RABGAP1L: variants seen among roughly 807,000 people sequenced by gnomAD.
RABGAP1L encodes the protein rab GTPase-activating protein 1-like.
A neutral mutation model predicts 137.7 loss-of-function variants in RABGAP1L; 63 were observed. The observed-to-expected ratio is 0.46, with a 90% CI of 0.37 to 0.56. The LOEUF is 0.56. Among genes scored for constraint, RABGAP1L ranks in the 20% least tolerant of loss-of-function variants. The pLI is 0.00. For missense variants in RABGAP1L, 1,095 were observed against 1,244.0 expected, an observed-to-expected ratio of 0.88 and a Z score of 1.80; for synonymous variants, 431 against 433.7, an observed-to-expected ratio of 0.99 and a Z score of 0.08.
At chr1:174,709,405 A>G (rs1011801636) in intron 17 of RABGAP1L, among the ~76,000 whole-genome samples, 1 of 152,220 alleles carries the variant, frequency 6.6e-6, no homozygotes, top group Non-Finnish European at 1.5e-5. Context: ...AGGGGTTGAC[A>G]GATAACTCAT....
intron 1 of RABGAP1L, among the ~76,000 whole-genome samples, chr1:174,161,296 G>C (rs61827902): frequency 0.089 from 13,536 of 151,786 alleles, 820 homozygotes; most frequent in East Asian, 0.22. Flanking sequence ...AGGCTGGAGT[G>C]CAACAGCGCG....
intron 18 of RABGAP1L, among the ~76,000 whole-genome samples, chr1:174,775,570 C>G (rs1375848120): frequency 6.6e-6 from 1 of 152,094 alleles, no homozygotes; most frequent in Non-Finnish European, 1.5e-5. Flanking sequence ...ACCTTGGCCT[C>G]CTAAAGTGCT....
intron 13 of RABGAP1L, among the ~76,000 whole-genome samples, chr1:174,609,415 A>G (rs1572491857): frequency 6.6e-6 from 1 of 152,312 alleles, no homozygotes; most frequent in Non-Finnish European, 1.5e-5. Context: ...AAAAAGTTAC[A>G]TAAAAATCAT....
At position 174,219,121 on chromosome 1, in the gene RABGAP1L, C is replaced by A; in HGVS notation, c.-33-4C>A. The A allele has an allele frequency of 6.5e-7, 1 of 1,536,526 alleles. No homozygotes were observed. Among genetic ancestry groups the A allele is most frequent in the Non-Finnish European group, 8.8e-7 (1 of 1,142,540 alleles). On this transcript the variant is annotated splice_region_variant and splice_polypyrimidine_tract_variant and intron_variant, in intron 1 of 25. Coordinates refer to ENST00000681986, the MANE Select transcript of RABGAP1L (RefSeq NM_001366446.1). ...TTTTTTTTTAATCCCTTTTGTTTTT[C>A]CAGGTGGTTGTGGGAAGAGAAGTTT...
intron 1 of RABGAP1L, among the ~76,000 whole-genome samples, chr1:174,193,447 G>A (rs192544949): frequency 2.0e-4 from 31 of 152,280 alleles, no homozygotes; most frequent in Admixed American, 1.2e-3. Context: ...CATGAGAATC[G>A]CTTGAATCTG....
intron 13 of RABGAP1L, among the ~76,000 whole-genome samples, chr1:174,507,835 T>C (rs1159483378): frequency 7.8e-6 from 1 of 127,656 alleles, no homozygotes. Context: ...TGTACTGTGT[T>C]TTATATTCAC....
At chr1:174,517,729 C>G (rs954883867) in intron 13 of RABGAP1L, among the ~76,000 whole-genome samples, 1 of 152,168 alleles carries the variant, frequency 6.6e-6, no homozygotes, top group Non-Finnish European at 1.5e-5. Flanking sequence ...GTGTTCCACT[C>G]CTGAAGAATG....
At position 174,988,745 on chromosome 1, in the gene RABGAP1L, T is replaced by C. The variant is rs1464092412; in HGVS notation, c.2910T>C (p.Asp970=). The C allele has an allele frequency of 6.5e-7, 1 of 1,550,088 alleles. No individual in the cohort carries two copies. Among genetic ancestry groups the C allele is most frequent in the Admixed American group, 2.0e-5 (1 of 50,922 alleles). ...GREDQGIETD[D]EKDSLKKQLR... ...AGGACCAGGGAATTGAAACAGATGA[T>C]GAGAAGGACTCACTTAAGAAGCAGC... Residue 970 remains aspartate, a synonymous_variant, in exon 25 of 26, where the codon GAT becomes GAC. Coordinates refer to ENST00000681986, the MANE Select transcript of RABGAP1L (RefSeq NM_001366446.1).
At chr1:174,781,939 A>G (rs1402713295) in intron 18 of RABGAP1L, among the ~76,000 whole-genome samples, 1 of 152,184 alleles carries the variant, frequency 6.6e-6, no homozygotes, top group African/African-American at 2.4e-5. Flanking sequence ...CTGTTTTGGT[A>G]CCAGTACCAT....
chr1:174,905,354 A>G (rs1658869992), intron 19 of RABGAP1L, among the ~76,000 whole-genome samples: 1 of 152,224 alleles, frequency 6.6e-6, no homozygotes, highest in African/African-American at 2.4e-5. Context: ...AAGGAAACTC[A>G]GTGATCACCA....
chr1:174,986,631 T>C (rs932681498), intron 24 of RABGAP1L, among the ~76,000 whole-genome samples: 1 of 152,212 alleles, frequency 6.6e-6, no homozygotes, highest in East Asian at 1.9e-4. Context: ...ATGAATACAT[T>C]TTCTGTAGGA....
At chr1:174,848,772 G>A (rs1483510007) in intron 19 of RABGAP1L, among the ~76,000 whole-genome samples, 3 of 149,552 alleles carry the variant, frequency 2.0e-5, no homozygotes, top group East Asian at 3.9e-4. Flanking sequence ...CGAGCTTCCC[G>A]GCTGCTTTGT....
At chr1:174,243,714 A>G (rs1189537573) in intron 5 of RABGAP1L, among the ~76,000 whole-genome samples, 1 of 152,208 alleles carries the variant, frequency 6.6e-6, no homozygotes, top group Non-Finnish European at 1.5e-5. Flanking sequence ...GTTCTATTTT[A>G]TGCTTATTGT....
chr1:174,723,861 T>G (rs1681778030), intron 17 of RABGAP1L, among the ~76,000 whole-genome samples: 1 of 152,206 alleles, frequency 6.6e-6, no homozygotes, highest in African/African-American at 2.4e-5. Flanking sequence ...TGCATTGTTA[T>G]ATAAATAGGA....
intron 18 of RABGAP1L, among the ~76,000 whole-genome samples, chr1:174,758,838 C>T (rs1424901765): frequency 1.3e-5 from 2 of 152,126 alleles, no homozygotes; most frequent in Non-Finnish European, 2.9e-5. Context: ...CCCAAATGTA[C>T]TTTTCATCTA....
At chr1:174,390,754 G>T (rs919558706) in intron 12 of RABGAP1L, among the ~76,000 whole-genome samples, 1 of 152,038 alleles carries the variant, frequency 6.6e-6, no homozygotes, top group Non-Finnish European at 1.5e-5. Context: ...AGATGATGGG[G>T]CAAAAATAAT....
At chr1:174,783,401 A>T (rs1233158713) in intron 18 of RABGAP1L, among the ~76,000 whole-genome samples, 1 of 152,166 alleles carries the variant, frequency 6.6e-6, no homozygotes, top group Non-Finnish European at 1.5e-5. Context: ...TGTTGGGAGC[A>T]GCCGTCACCA....
intron 4 of RABGAP1L, among the ~76,000 whole-genome samples, chr1:174,238,282 C>G (rs955034553): frequency 6.6e-6 from 1 of 152,206 alleles, no homozygotes; most frequent in Non-Finnish European, 1.5e-5. Context: ...GTCAGTCATT[C>G]TCCATCCAGG....
intron 10 of RABGAP1L, among the ~76,000 whole-genome samples, chr1:174,291,315 C>T (rs919085392): frequency 1.1e-4 from 16 of 151,962 alleles, no homozygotes; most frequent in Non-Finnish European, 1.8e-4. Context: ...GGAAAAGTCA[C>T]CCTTGGTGAT....
Sources: gnomAD v4.1 joint callset for allele counts (sites outside exome capture counted in the v4.1 genomes callset) on GRCh38, gnomAD v4.1.1 for gene constraint, MANE v1.5 for transcripts, NCBI Gene and HGNC (gene_info 2026-07-23, HGNC 2026-07-21) for gene names.